The following DAB1 variants were observed in gnomAD, a reference collection of about 807,000 sequenced individuals.
DAB1 encodes the protein DAB adaptor protein 1, also known as disabled homolog 1.
DAB1 carries 15 observed loss-of-function variants against 64.6 expected under a neutral mutation model. That is an observed-to-expected ratio of 0.23 (90% confidence interval 0.16 to 0.36). The LOEUF (loss-of-function observed/expected upper bound fraction) is 0.36. Among genes scored for constraint, DAB1 ranks in the 10% least tolerant of loss-of-function variants. The probability of loss-of-function intolerance (pLI) is 1.00; values close to 1 mark genes in which losing one functional copy is unlikely to be tolerated. For missense variants in DAB1, 596 were observed against 706.7 expected, an observed-to-expected ratio of 0.84 and a Z score of 1.78; for synonymous variants, 235 against 251.9, an observed-to-expected ratio of 0.93 and a Z score of 0.64.
At position 58,490,795 on chromosome 1, in the gene DAB1, C is replaced by CTTTTTT. The variant is rs148145860; in HGVS notation, n.257+15259_257+15264dup. ...AGAGTGGGGGCCAATAGTCAACATT[C>CTTTTTT]TTTTTTTTTTTTTTTTTTTTTTTTT... is the stretch of plus-strand genomic sequence containing the variant. On this transcript the variant is annotated intron_variant and non_coding_transcript_variant, in intron 3 of 20. Coordinates refer to the DAB1 transcript ENST00000485760. 1.2e-3 allele frequency among the ~76,000 whole-genome samples: 72 copies of CTTTTTT among 59,278 alleles called. 6 individuals are homozygous for CTTTTTT. The highest frequency in any genetic ancestry group is 5.0e-3 in the East Asian group (7 of 1,388). The allele number at this position is 59,278 out of a possible 152,430, so 38.9% of individuals were successfully genotyped here. A position where few individuals can be genotyped will look rare whatever the true frequency, so the allele number is the denominator to read the frequency against.
At chr1:57,665,025 A>G (rs1421134547) in intron 6 of DAB1, among the ~76,000 whole-genome samples, 4 of 152,044 alleles carry the variant, frequency 2.6e-5, no homozygotes, top group Admixed American at 1.3e-4. Context: ...GAGGATACTA[A>G]CCTTCTAAAA....
At chr1:57,267,743 T>C (rs924850) in intron 2 of DAB1, among the ~76,000 whole-genome samples, 58,318 of 151,968 alleles carry the variant, frequency 0.38, 11,349 homozygotes, top group South Asian at 0.49. Flanking sequence ...GGCATGGGTT[T>C]TACTCTTATG....
chr1:58,509,937 G>A (rs1263447188), intron 2 of DAB1, among the ~76,000 whole-genome samples: 1 of 151,870 alleles, frequency 6.6e-6, no homozygotes. Flanking sequence ...CACTAAGACT[G>A]AAAAAGAAAT....
At chr1:57,776,778 C>T (rs1649820639) in intron 6 of DAB1, among the ~76,000 whole-genome samples, 1 of 151,696 alleles carries the variant, frequency 6.6e-6, no homozygotes, top group Non-Finnish European at 1.5e-5. Context: ...ATTACTTCTA[C>T]ATATGTTGCA....
intron 6 of DAB1, among the ~76,000 whole-genome samples, chr1:57,695,294 GAGAAGGAAAGAAAGAAAGAAAGAAAGAA>G (rs1646813682): frequency 1.9e-5 from 1 of 52,088 alleles, no homozygotes; most frequent in Non-Finnish European, 3.7e-5. Flanking sequence ...GAAAGGGAGA[GAGAAGGAAAGAAAGAAAGAAAGAAAGAA>G]AGAAAGAAAG....
intron 5 of DAB1, among the ~76,000 whole-genome samples, chr1:58,023,715 G>A (rs1206125323): frequency 6.6e-6 from 1 of 152,144 alleles, no homozygotes; most frequent in African/African-American, 2.4e-5. Flanking sequence ...GATAAACAAC[G>A]ATATATTAAT....
intron 4 of DAB1, among the ~76,000 whole-genome samples, chr1:58,311,313 A>C (rs1440650396): frequency 1.3e-5 from 2 of 152,182 alleles, no homozygotes; most frequent in Non-Finnish European, 2.9e-5. Context: ...CTAGTACAGT[A>C]GCTCAAATAA....
In DAB1 at chr1:57,711,937, T is replaced by A. The variant is rs573032083; in HGVS notation, n.552-62272A>T. Reference sequence around the variant, plus strand: ...TGGAAATCAAAAATTGTATAGGTAATCTTTATATTTAAGTTTTATACTGAA... The same window carrying A: ...TGGAAATCAAAAATTGTATAGGTAAACTTTATATTTAAGTTTTATACTGAA... On this transcript the variant is annotated intron_variant and non_coding_transcript_variant, in intron 6 of 20. Transcript: ENST00000485760. Among the ~76,000 whole-genome samples the A allele has an allele frequency of 3.3e-5, 5 of 152,308 alleles. No homozygotes were observed. In the South Asian group the frequency reaches 1.0e-3, roughly 32 times the overall value.
intron 3 of DAB1, among the ~76,000 whole-genome samples, chr1:58,430,502 T>C (rs1644860343): frequency 6.6e-6 from 1 of 152,154 alleles, no homozygotes; most frequent in Non-Finnish European, 1.5e-5. Context: ...TTTTAGGAAC[T>C]CTGTGGCGCC....
intron 6 of DAB1, among the ~76,000 whole-genome samples, chr1:57,718,331 T>C (rs1028662686): frequency 1.3e-5 from 2 of 151,954 alleles, no homozygotes; most frequent in African/African-American, 2.4e-5. Flanking sequence ...TAAAAGGAAA[T>C]AGTCTAGGAT....
At chr1:57,114,469 A>G (rs918887884) in intron 4 of DAB1, among the ~76,000 whole-genome samples, 4 of 151,556 alleles carry the variant, frequency 2.6e-5, no homozygotes, top group African/African-American at 9.7e-5. Flanking sequence ...TGTTAAGAAG[A>G]AAAAAAAAGC....
chr1:57,312,895 C>T (rs893585031), intron 1 of DAB1, among the ~76,000 whole-genome samples: 1 of 152,062 alleles, frequency 6.6e-6, no homozygotes, highest in Non-Finnish European at 1.5e-5. Flanking sequence ...CCACACTTGG[C>T]CTAATGGAAC....
intron 2 of DAB1, among the ~76,000 whole-genome samples, chr1:57,183,694 T>C (rs987534230): frequency 9.2e-5 from 14 of 152,188 alleles, no homozygotes; most frequent in African/African-American, 3.4e-4. Flanking sequence ...ACAATAAACC[T>C]ATGCACCAAG....
At chr1:57,791,684 C>T (rs892293248) in intron 6 of DAB1, among the ~76,000 whole-genome samples, 4 of 152,152 alleles carry the variant, frequency 2.6e-5, no homozygotes, top group Non-Finnish European at 5.9e-5. Context: ...AAGACCAGTT[C>T]CCCACCTCCT....
At chr1:58,352,618 T>C (rs1644068918) in intron 3 of DAB1, among the ~76,000 whole-genome samples, 2 of 152,102 alleles carry the variant, frequency 1.3e-5, no homozygotes, top group Non-Finnish European at 2.9e-5. Flanking sequence ...GAAAAGTGGG[T>C]CTAAACACAA....
intron 4 of DAB1, among the ~76,000 whole-genome samples, chr1:58,341,976 GAC>G: frequency 6.6e-6 from 1 of 152,240 alleles, no homozygotes; most frequent in African/African-American, 2.4e-5. Flanking sequence ...AAAAATGGTA[GAC>G]ACACAACAAA....
chr1:57,965,842 T>C (rs1557583623), intron 5 of DAB1, among the ~76,000 whole-genome samples: 1 of 152,044 alleles, frequency 6.6e-6, no homozygotes, highest in Non-Finnish European at 1.5e-5. Context: ...AAATAAGAAA[T>C]AGACCATTAA....
chr1:57,195,258 A>T (rs1664529391), intron 2 of DAB1, among the ~76,000 whole-genome samples: 1 of 152,182 alleles, frequency 6.6e-6, no homozygotes, highest in South Asian at 2.1e-4. Context: ...ATAAGGTTCA[A>T]CATGATTTCC....
At chr1:57,733,069 A>G (rs550112880) in intron 6 of DAB1, among the ~76,000 whole-genome samples, 12 of 152,310 alleles carry the variant, frequency 7.9e-5, no homozygotes, top group Admixed American at 4.6e-4. Flanking sequence ...AACAAGAGCT[A>G]TATACCAAGG....
Sources: gnomAD v4.1 joint callset for allele counts (sites outside exome capture counted in the v4.1 genomes callset) on GRCh38, gnomAD v4.1.1 for gene constraint, MANE v1.5 for transcripts, NCBI Gene and HGNC (gene_info 2026-07-23, HGNC 2026-07-21) for gene names.